Variants in FAM171A1 observed in about 807,000 individuals in gnomAD.
FAM171A1 encodes family with sequence similarity 171 member A1, also known as protein FAM171A1.
FAM171A1 carries 23 observed loss-of-function variants against 74.9 expected under a neutral mutation model. The ratio of observed to expected loss-of-function variants is 0.31; its 90% CI spans 0.22 to 0.44. The LOEUF (loss-of-function observed/expected upper bound fraction) is 0.44. Ranked by LOEUF, FAM171A1 falls within the 20% of genes least tolerant of loss-of-function variation. The probability of loss-of-function intolerance (pLI) is 1.00; values close to 1 mark genes in which losing one functional copy is unlikely to be tolerated. For missense variants in FAM171A1, 1,162 were observed against 1,159.2 expected, an observed-to-expected ratio of 1.00 and a Z score of -0.03; for synonymous variants, 527 against 505.7, an observed-to-expected ratio of 1.04 and a Z score of -0.57.
intron 1 of FAM171A1, among the ~76,000 whole-genome samples, chr10:15,294,159 G>A (rs917317863): frequency 6.6e-6 from 1 of 152,186 alleles, no homozygotes; most frequent in East Asian, 1.9e-4. Context: ...CACAAGTTCT[G>A]TGTGCTACCC....
chr10:15,373,171 T>C (rs551941906), upstream of FAM171A1, among the ~76,000 whole-genome samples: 1 of 152,316 alleles, frequency 6.6e-6, no homozygotes, highest in Admixed American at 6.5e-5. Flanking sequence ...TAGTCACCCT[T>C]AGGACCAATG....
intron 1 of FAM171A1, among the ~76,000 whole-genome samples, chr10:15,338,837 T>A (rs936291952): frequency 1.3e-5 from 2 of 152,174 alleles, no homozygotes; most frequent in Non-Finnish European, 2.9e-5. Context: ...ACCTCCCAGG[T>A]TCAAGTGATT....
chr10:15,227,829 T>G (rs540892398), intron 5 of FAM171A1, among the ~76,000 whole-genome samples: 1 of 152,236 alleles, frequency 6.6e-6, no homozygotes. Flanking sequence ...TAAAGCATCA[T>G]GCATTCTTAA....
chr10:15,250,227 A>G (rs1053716503), intron 4 of FAM171A1, among the ~76,000 whole-genome samples: 4 of 152,210 alleles, frequency 2.6e-5, no homozygotes, highest in African/African-American at 7.2e-5. Context: ...GATTTCGTGG[A>G]AAGATCGAAG....
At chr10:15,353,099 T>C (rs1835897548) in intron 1 of FAM171A1, among the ~76,000 whole-genome samples, 1 of 152,190 alleles carries the variant, frequency 6.6e-6, no homozygotes, top group Non-Finnish European at 1.5e-5. Flanking sequence ...TTGCATGCAT[T>C]AACTTTTCTA....
At chr10:15,247,785 T>G (rs999021578) in intron 5 of FAM171A1, among the ~76,000 whole-genome samples, 2 of 152,158 alleles carry the variant, frequency 1.3e-5, no homozygotes, top group Admixed American at 1.3e-4. Context: ...CTATATCATT[T>G]TTATTTACTC....
At chr10:15,329,829 A>G (rs1241155007) in intron 1 of FAM171A1, among the ~76,000 whole-genome samples, 5 of 152,124 alleles carry the variant, frequency 3.3e-5, no homozygotes, top group African/African-American at 1.2e-4. Context: ...CTTCAGTGAC[A>G]CTGCTAAGCC....
At chr10:15,359,008 G>C (rs1042706005) in intron 1 of FAM171A1, among the ~76,000 whole-genome samples, 22 of 152,180 alleles carry the variant, frequency 1.4e-4, no homozygotes, top group Non-Finnish European at 8.8e-5. Flanking sequence ...CTCTTCTATA[G>C]AGGGAGAATG....
chr10:15,229,573 CCAACGTCAT>C (rs371307511), intron 5 of FAM171A1, among the ~76,000 whole-genome samples: 1,777 of 126,190 alleles, frequency 0.014, 30 homozygotes, highest in Middle Eastern at 0.022. Flanking sequence ...ATCACCATCA[CCAACGTCAT>C]CATCATCACC....
intron 5 of FAM171A1, among the ~76,000 whole-genome samples, chr10:15,236,247 T>C (rs1300699362): frequency 7.0e-6 from 1 of 143,336 alleles, no homozygotes; most frequent in Non-Finnish European, 1.5e-5. Flanking sequence ...TTAAAAACAG[T>C]AAGGCTTTCC....
intron 4 of FAM171A1, among the ~76,000 whole-genome samples, chr10:15,253,502 G>A (rs765790371): frequency 3.9e-5 from 6 of 152,040 alleles, no homozygotes; most frequent in Non-Finnish European, 8.8e-5. Context: ...AAGAAGAAAC[G>A]TTTTGGAAAA....
chr10:15,216,718 C>A (rs1310197751), intron 6 of FAM171A1, among the ~76,000 whole-genome samples: 1 of 152,018 alleles, frequency 6.6e-6, no homozygotes. Context: ...TAGGCATGAG[C>A]CACTGTGCCC....
At chr10:15,332,242 C>T (rs1835648109) in intron 1 of FAM171A1, among the ~76,000 whole-genome samples, 1 of 152,120 alleles carries the variant, frequency 6.6e-6, no homozygotes, top group South Asian at 2.1e-4. Flanking sequence ...AGGAGTGAGC[C>T]ACCACGCCAG....
intron 3 of FAM171A1, among the ~76,000 whole-genome samples, chr10:15,264,141 GC>G (rs1372425475): frequency 2.6e-5 from 4 of 151,794 alleles, no homozygotes; most frequent in African/African-American, 7.3e-5. Flanking sequence ...ACCACACCTG[GC>G]TAATTTTTAA....
intron 2 of FAM171A1, among the ~76,000 whole-genome samples, chr10:15,280,705 A>C (rs1343822424): frequency 6.6e-6 from 1 of 152,216 alleles, no homozygotes; most frequent in Non-Finnish European, 1.5e-5. Context: ...CACGTGTGGG[A>C]AAGAAGGCAT....
chr10:15,213,777 G>A lies in FAM171A1; in HGVS notation c.1811C>T (p.Pro604Leu), dbSNP rs947469740. Residue 604 changes from proline to leucine, a missense_variant, in exon 8 of 8, where the codon CCG (proline) becomes CTG (leucine). Physicochemically the swap from Pro to Leu is moderately conservative, Grantham distance 98 (BLOSUM62 -3). Transcript: ENST00000378116. This position sits in a 1 kb window ranked among gnomAD's most constrained non-coding sequence, Gnocchi z 6.8. ...TTCTATCTCAAGCTGCTGATCAGCCGGGACGACGAGGGGCTGGCTGACATA... is the reference window on the plus strand; with the variant it reads ...TTCTATCTCAAGCTGCTGATCAGCCAGGACGACGAGGGGCTGGCTGACATA... ...HSYVSQPLVV[P>L]ADQQLEIERL... 7 of 1,614,018 alleles carry A rather than the reference G, an allele frequency of 4.3e-6. No individual in the cohort carries two copies. The highest frequency in any genetic ancestry group is 5.9e-6 in the Non-Finnish European group (7 of 1,180,020).
intron 1 of FAM171A1, among the ~76,000 whole-genome samples, chr10:15,370,184 C>T (rs946244854): frequency 6.6e-6 from 1 of 151,542 alleles, no homozygotes; most frequent in African/African-American, 2.4e-5. Flanking sequence ...TTTGTGGAGG[C>T]CAAAGACGAG....
At chr10:15,307,633 T>A (rs7082374) in intron 1 of FAM171A1, among the ~76,000 whole-genome samples, 1 of 138,800 alleles carries the variant, frequency 7.2e-6, no homozygotes. Context: ...GCAACAAGAG[T>A]GAAACTCCAT....
chr10:15,268,334 T>C (rs1327421320), intron 3 of FAM171A1, among the ~76,000 whole-genome samples: 1 of 152,070 alleles, frequency 6.6e-6, no homozygotes, highest in Non-Finnish European at 1.5e-5. Context: ...CCTACTGCAG[T>C]GCCTGAGGGG....
Sources: allele counts gnomAD v4.1 joint callset (sites outside exome capture counted in the v4.1 genomes callset), GRCh38; gene constraint gnomAD v4.1.1; non-coding constraint Gnocchi (gnomAD v3.1); transcripts MANE v1.5; gene names NCBI Gene and HGNC (gene_info 2026-07-23, HGNC 2026-07-21).